Variants in DSCAM observed in about 807,000 individuals in gnomAD.
DSCAM encodes the protein DS cell adhesion molecule.
DSCAM carries 47 observed loss-of-function variants against 217.7 expected under a neutral mutation model. The observed-to-expected ratio is 0.22, with a 90% CI of 0.17 to 0.28. The LOEUF (loss-of-function observed/expected upper bound fraction) is 0.28. DSCAM is among the 10% of genes least tolerant of loss of function. The probability of loss-of-function intolerance (pLI) is 1.00; values close to 1 mark genes in which losing one functional copy is unlikely to be tolerated. For synonymous variants in DSCAM, 1,056 were observed against 1,015.3 expected (o/e 1.04, Z -0.76); for missense variants, 2,080 against 2,618.3 (o/e 0.79, Z 4.49).
intron 3 of DSCAM, among the ~76,000 whole-genome samples, chr21:40,389,152 T>G (rs915040610): frequency 6.6e-6 from 1 of 152,232 alleles, no homozygotes; most frequent in Non-Finnish European, 1.5e-5. Context: ...ATGTACATTT[T>G]GCTCATTTTT....
chr21:40,584,947 T>C (rs2076933097), intron 3 of DSCAM, among the ~76,000 whole-genome samples: 1 of 152,116 alleles, frequency 6.6e-6, no homozygotes, highest in Non-Finnish European at 1.5e-5. Context: ...TTCACGGTAA[T>C]GAGTGAGTTT....
chr21:40,518,481 TTA>T (rs1453443461), intron 3 of DSCAM, among the ~76,000 whole-genome samples: 4 of 5,810 alleles, frequency 6.9e-4, no homozygotes, highest in East Asian at 7.9e-3. Flanking sequence ...AATATATATT[TTA>T]TATATATATT....
At chr21:40,376,280 C>G (rs2074949690) in intron 3 of DSCAM, among the ~76,000 whole-genome samples, 1 of 151,930 alleles carries the variant, frequency 6.6e-6, no homozygotes, top group African/African-American at 2.4e-5. Flanking sequence ...GTTTCAATAA[C>G]AGTTTCTGAA....
At chr21:40,636,253 T>C (rs575831483) in intron 3 of DSCAM, among the ~76,000 whole-genome samples, 1 of 152,100 alleles carries the variant, frequency 6.6e-6, no homozygotes, top group East Asian at 1.9e-4. Context: ...AAGACATTTA[T>C]GCGGAGCTCA....
chr21:40,163,128 G>A (rs9305694), intron 16 of DSCAM, among the ~76,000 whole-genome samples: 7,385 of 143,288 alleles, frequency 0.052, 274 homozygotes, highest in Non-Finnish European at 0.079. Context: ...CAAGTAGCTG[G>A]TAATCACATT....
intron 3 of DSCAM, among the ~76,000 whole-genome samples, chr21:40,579,012 C>A (rs36063474): frequency 0.028 from 4,199 of 152,238 alleles, 93 homozygotes; most frequent in Non-Finnish European, 0.042. Context: ...CAACAATATG[C>A]ATTGTGCAAA....
chr21:40,332,286 T>C lies in DSCAM; in HGVS notation c.1783+5815A>G, dbSNP rs373671076. ...CCTGGCTTCCCGCTGCAATACGAAT[T>C]ATTCTTCTGAGAGTCACCACGGGTT... On this transcript the variant is annotated intron_variant, in intron 8 of 32. Transcript: ENST00000400454. 3.0e-3 allele frequency among the ~76,000 whole-genome samples: 452 copies of C among 152,284 alleles called. 3 individuals carry two copies. The highest frequency in any genetic ancestry group is 0.01 in the African/African-American group (425 of 41,572).
Position 40,450,216 on chromosome 21 carries a change from A to G in DSCAM, c.509-80971T>C, listed in dbSNP as rs73902626. Among the ~76,000 whole-genome samples, 180 of 152,338 alleles carry G rather than the reference A, an allele frequency of 1.2e-3. 1 individual carries two copies. The highest frequency in any genetic ancestry group is 3.8e-3 in the African/African-American group (157 of 41,576). ...AAACCAAACCAAACAACGTAACATA[A>G]AATAATACATCTGAAGATTCCTGCT... On this transcript the variant is annotated intron_variant, in intron 3 of 32. Coordinates refer to ENST00000400454, the MANE Select transcript of DSCAM (RefSeq NM_001389.5).
intron 2 of DSCAM, among the ~76,000 whole-genome samples, chr21:40,701,337 G>A (rs1046307405): frequency 1.6e-4 from 25 of 151,956 alleles, no homozygotes; most frequent in African/African-American, 5.8e-4. Flanking sequence ...TCACTTTTCT[G>A]GTGAAAAACA....
intron 8 of DSCAM, among the ~76,000 whole-genome samples, chr21:40,315,372 C>A (rs1028061432): frequency 6.6e-6 from 1 of 151,242 alleles, no homozygotes; most frequent in Admixed American, 6.6e-5. Context: ...TCACTGCACT[C>A]CAGCATGGGA....
At chr21:40,750,945 T>A (rs2091221188) in intron 1 of DSCAM, among the ~76,000 whole-genome samples, 1 of 152,190 alleles carries the variant, frequency 6.6e-6, no homozygotes, top group Admixed American at 6.5e-5. Flanking sequence ...CCAGTCCCCA[T>A]GCCCCTTCAG....
chr21:40,823,959 GA>G (rs369369266), intron 1 of DSCAM, among the ~76,000 whole-genome samples: 1,406 of 137,532 alleles, frequency 0.01, 25 homozygotes, highest in Admixed American at 0.046. Context: ...AGTCTCAAAA[GA>G]AAAAAAAAAA....
Position 40,075,027 on chromosome 21 carries a change from C to G in DSCAM, c.4888+10G>C. 6.2e-7 allele frequency: 1 copy of G among 1,613,894 alleles called. No homozygotes were observed. The highest frequency in any genetic ancestry group is 8.5e-7 in the Non-Finnish European group (1 of 1,179,924). ...GACACGCGTAGGTGGACAGCTGGGC[C>G]TGGACCTACCTCGCAGCCTCTTTAG... On this transcript the variant is annotated intron_variant, in intron 27 of 32. Coordinates refer to ENST00000400454, the MANE Select transcript of DSCAM (RefSeq NM_001389.5).
At position 40,691,462 on chromosome 21, in the gene DSCAM, C is replaced by T. The variant is rs566433367; in HGVS notation, c.508+1348G>A. 2.8e-3 allele frequency among the ~76,000 whole-genome samples: 421 copies of T among 152,264 alleles called. 3 individuals carry two copies. The highest frequency in any genetic ancestry group is 9.1e-3 in the African/African-American group (378 of 41,538). On this transcript the variant is annotated intron_variant, in intron 3 of 32. Transcript: ENST00000400454. ...TTGGAGGGCCTCTCCCCTTTGATTC[C>T]GAGCTTAGCCAGATGACTGTCATCA... is the stretch of plus-strand genomic sequence containing the variant.
At chr21:40,567,891 T>G (rs2076777202) in intron 3 of DSCAM, among the ~76,000 whole-genome samples, 1 of 152,226 alleles carries the variant, frequency 6.6e-6, no homozygotes, top group East Asian at 1.9e-4. Flanking sequence ...TTCCTTTCTA[T>G]AAGAATTTAT....
chr21:40,845,310 C>T (rs1270089560), intron 1 of DSCAM, among the ~76,000 whole-genome samples: 1 of 152,134 alleles, frequency 6.6e-6, no homozygotes, highest in Non-Finnish European at 1.5e-5. Context: ...TTTTCTTAGT[C>T]ACCGTTTTTT....
At chr21:40,201,227 G>T (rs1292972217) in intron 11 of DSCAM, among the ~76,000 whole-genome samples, 1 of 152,052 alleles carries the variant, frequency 6.6e-6, no homozygotes, top group African/African-American at 2.4e-5. Context: ...AACATTTAGG[G>T]TTCATATTAC....
intron 3 of DSCAM, among the ~76,000 whole-genome samples, chr21:40,417,303 C>T (rs1013612561): frequency 9.2e-5 from 14 of 152,052 alleles, no homozygotes; most frequent in Admixed American, 8.5e-4. Flanking sequence ...CATATGTATA[C>T]ATGTGCCATG....
chr21:40,263,552 C>A (rs1201290467), intron 11 of DSCAM, among the ~76,000 whole-genome samples: 1 of 152,030 alleles, frequency 6.6e-6, no homozygotes, highest in African/African-American at 2.4e-5. Flanking sequence ...CTCTGGGATA[C>A]AGCAAAAGCA....
Sources: allele counts gnomAD v4.1 joint callset (sites outside exome capture counted in the v4.1 genomes callset), GRCh38; gene constraint gnomAD v4.1.1; transcripts MANE v1.5; gene names NCBI Gene and HGNC (gene_info 2026-07-23, HGNC 2026-07-21).